The following NUBPL variants were observed in gnomAD, a reference collection of about 807,000 sequenced individuals.
The protein encoded by NUBPL is NUBP iron-sulfur cluster assembly factor, mitochondrial.
Under a neutral mutation model 45.7 loss-of-function variants are expected in NUBPL, and 31 were observed. That is an observed-to-expected ratio of 0.68 (90% CI 0.51 to 0.92). NUBPL has a LOEUF of 0.92. Among genes scored for constraint, NUBPL ranks in the 40% least tolerant of loss-of-function variants. NUBPL has a pLI of 0.00. For synonymous variants in NUBPL, 144 were observed against 140.9 expected (o/e 1.02, Z -0.15); for missense variants, 401 against 398.7 (o/e 1.01, Z -0.05).
rs886050472 is a variant in NUBPL at position 31,861,216 on chromosome 14, A to C, written c.*2036A>C. The stretch of plus-strand genomic sequence containing the variant: ...CTCAAAATAAAAATAAAAGTTAAAA[A>C]AACACAAACTGCTATATCTGAACTG... On this transcript the variant is annotated 3_prime_UTR_variant, in exon 11 of 11. Transcript: ENST00000281081. 2.6e-5 allele frequency: 4 copies of C among 152,238 alleles called. No homozygotes were observed. The highest frequency in any genetic ancestry group is 7.2e-5 in the African/African-American group (3 of 41,468). 9.4% of individuals were successfully genotyped at this position (152,238 alleles called of 1,614,324 possible). A position where few individuals can be genotyped will look rare whatever the true frequency, so the allele number is the denominator to read the frequency against.
chr14:31,808,921 A>G (rs554610359), intron 7 of NUBPL, among the ~76,000 whole-genome samples: 2 of 152,192 alleles, frequency 1.3e-5, no homozygotes, highest in Non-Finnish European at 1.5e-5. Flanking sequence ...GATTACGTTT[A>G]TTGATTTGCA....
intron 6 of NUBPL, among the ~76,000 whole-genome samples, chr14:31,762,393 A>G (rs781622929): frequency 2.6e-5 from 4 of 152,168 alleles, no homozygotes; most frequent in Admixed American, 1.3e-4. Context: ...TTGTAGCTTC[A>G]TGGGTATTTG....
At chr14:31,789,748 A>G (rs745367603) in intron 7 of NUBPL, among the ~76,000 whole-genome samples, 6 of 152,168 alleles carry the variant, frequency 3.9e-5, no homozygotes, top group Non-Finnish European at 8.8e-5. Context: ...TGGAAATATC[A>G]GTATAGCCTC....
intron 4 of NUBPL, among the ~76,000 whole-genome samples, chr14:31,606,710 CT>C (rs146847481): frequency 0.04 from 6,014 of 152,222 alleles, 147 homozygotes; most frequent in Admixed American, 0.064. Context: ...GTTGGCTCCT[CT>C]TTGGGGTATC....
intron 6 of NUBPL, among the ~76,000 whole-genome samples, chr14:31,737,608 C>A (rs1326581372): frequency 6.6e-6 from 1 of 152,114 alleles, no homozygotes; most frequent in African/African-American, 2.4e-5. Context: ...CATGGTAAAA[C>A]CCCATCTATT....
chr14:31,576,389 G>A lies in NUBPL; in HGVS notation c.291+11341G>A, dbSNP rs571387715. Reference sequence around the variant, plus strand: ...CAATCCTCCTGGTTCAGCCTCCTGAGTAGCTGGGACTATAGGTATGTGCCA... The same window carrying A: ...CAATCCTCCTGGTTCAGCCTCCTGAATAGCTGGGACTATAGGTATGTGCCA... On this transcript the variant is annotated intron_variant, in intron 3 of 10. Transcript: ENST00000281081. Among the ~76,000 whole-genome samples the A allele has an allele frequency of 4.0e-4, 61 of 152,284 alleles. 1 individual carries two copies. The highest frequency in any genetic ancestry group is 3.1e-3 in the South Asian group (15 of 4,828).
chr14:31,578,016 T>G, intron 3 of NUBPL: 2 of 1,274,736 alleles, frequency 1.6e-6, no homozygotes, highest in Non-Finnish European at 2.1e-6. Context: ...TGTTATGAAC[T>G]CAGTAAATGG....
chr14:31,581,507 T>G (rs2033863750), intron 3 of NUBPL, among the ~76,000 whole-genome samples: 1 of 152,232 alleles, frequency 6.6e-6, no homozygotes, highest in African/African-American at 2.4e-5. Context: ...TCTGGCTTAT[T>G]TCACTTAGCA....
intron 3 of NUBPL, among the ~76,000 whole-genome samples, chr14:31,592,577 A>G (rs1002200236): frequency 5.3e-5 from 8 of 152,300 alleles, no homozygotes; most frequent in Non-Finnish European, 1.2e-4. Flanking sequence ...TTTATTGATT[A>G]TTCACACATA....
intron 7 of NUBPL, among the ~76,000 whole-genome samples, chr14:31,821,060 T>C (rs1161596912): frequency 6.6e-6 from 1 of 151,420 alleles, no homozygotes; most frequent in Admixed American, 6.6e-5. Flanking sequence ...GAGGCGGAGG[T>C]TGCGGTGAGC....
intron 7 of NUBPL, among the ~76,000 whole-genome samples, chr14:31,814,890 G>T (rs956421999): frequency 2.0e-5 from 3 of 152,024 alleles, no homozygotes; most frequent in African/African-American, 7.2e-5. Flanking sequence ...TGTTTCATTG[G>T]TCTGTATCTC....
chr14:31,659,824 A>G (rs1037375248), intron 4 of NUBPL, among the ~76,000 whole-genome samples: 2 of 152,192 alleles, frequency 1.3e-5, no homozygotes, highest in African/African-American at 4.8e-5. Flanking sequence ...CAGTCTGTCC[A>G]CATGAGAAAA....
At chr14:31,672,146 T>G (rs1034210893) in intron 4 of NUBPL, among the ~76,000 whole-genome samples, 2 of 152,202 alleles carry the variant, frequency 1.3e-5, no homozygotes, top group Non-Finnish European at 2.9e-5. Context: ...TCTCTACAGA[T>G]TAATGCAATT....
chr14:31,655,674 C>T (rs1028047439), intron 4 of NUBPL, among the ~76,000 whole-genome samples: 1 of 152,230 alleles, frequency 6.6e-6, no homozygotes, highest in African/African-American at 2.4e-5. Flanking sequence ...GATGGTACCA[C>T]TGCACTCTAG....
intron 6 of NUBPL, among the ~76,000 whole-genome samples, chr14:31,731,629 A>G (rs2038049734): frequency 6.6e-6 from 1 of 152,244 alleles, no homozygotes; most frequent in Non-Finnish European, 1.5e-5. Context: ...AAACTCAAAT[A>G]CTGCTGTCAT....
At chr14:31,831,021 A>T (rs2040180470) in intron 8 of NUBPL, among the ~76,000 whole-genome samples, 1 of 151,342 alleles carries the variant, frequency 6.6e-6, no homozygotes, top group Admixed American at 6.6e-5. Flanking sequence ...TCTCAGGGAG[A>T]GGTGCCCTAA....
At chr14:31,627,034 T>A (rs1230952449) in intron 4 of NUBPL, among the ~76,000 whole-genome samples, 1 of 152,196 alleles carries the variant, frequency 6.6e-6, no homozygotes, top group Non-Finnish European at 1.5e-5. Context: ...GAGGAGCTAT[T>A]GGTAGTTGTT....
chr14:31,679,619 T>G (rs1188610481), intron 6 of NUBPL, among the ~76,000 whole-genome samples: 1 of 152,214 alleles, frequency 6.6e-6, no homozygotes, highest in Non-Finnish European at 1.5e-5. Flanking sequence ...TTGATCTGTT[T>G]GTTTAATCCT....
intron 3 of NUBPL, among the ~76,000 whole-genome samples, chr14:31,578,372 A>G (rs2033772425): frequency 6.6e-6 from 1 of 152,176 alleles, no homozygotes; most frequent in Non-Finnish European, 1.5e-5. Flanking sequence ...GGCATTTTAA[A>G]GCTTTAATTT....
Sources: allele counts gnomAD v4.1 joint callset (sites outside exome capture counted in the v4.1 genomes callset), GRCh38; gene constraint gnomAD v4.1.1; transcripts MANE v1.5; gene names NCBI Gene and HGNC (gene_info 2026-07-23, HGNC 2026-07-21).